Variants in TRPC5 observed in about 807,000 individuals in gnomAD.
TRPC5 encodes the protein short transient receptor potential channel 5.
TRPC5 carries 9 observed loss-of-function variants against 56.5 expected under a neutral mutation model. That is an observed-to-expected ratio of 0.16 (90% confidence interval 0.10 to 0.28). The LOEUF (loss-of-function observed/expected upper bound fraction) is 0.28, where lower values mean the gene tolerates loss of function less well. Ranked by LOEUF, TRPC5 falls within the 10% of genes least tolerant of loss-of-function variation. The pLI is 1.00. For missense variants in TRPC5, 469 were observed against 748.9 expected, an observed-to-expected ratio of 0.63 and a Z score of 4.36; for synonymous variants, 282 against 278.5, an observed-to-expected ratio of 1.01 and a Z score of -0.13.
At chrX:111,966,947 C>A (rs988087680) in intron 1 of TRPC5, among the ~76,000 whole-genome samples, 71 of 111,630 alleles carry the variant, frequency 6.4e-4, no homozygotes, top group Non-Finnish European at 7.9e-4. Flanking sequence ...CTCACCACTC[C>A]TATTCAACAT....
Position 111,905,771 on chromosome X carries a change from T to A in TRPC5, c.900+6520A>T, listed in dbSNP as rs12009998. Among the ~76,000 whole-genome samples the A allele has an allele frequency of 1.8e-3, 198 of 108,889 alleles. 1 individual carries two copies. The highest frequency in any genetic ancestry group is 7.7e-3 in the Admixed American group (79 of 10,272). The allele number at this position is 108,889 out of a possible 115,157, so 94.6% of individuals were successfully genotyped here. ...CTACTAAAAATACAAAAAAATTAGC[T>A]GGGCGTGGTGGCGGGCGCCTGTAGT... On this transcript the variant is annotated intron_variant, in intron 3 of 10. Coordinates refer to ENST00000262839, the MANE Select transcript of TRPC5 (RefSeq NM_012471.3).
At chrX:111,953,354 C>T (rs116234216) in intron 1 of TRPC5, among the ~76,000 whole-genome samples, 2,440 of 112,105 alleles carry the variant, frequency 0.022, 49 homozygotes, top group African/African-American at 0.075. Context: ...AGTTATTGAG[C>T]TCCTACAATG....
At chrX:111,888,693 CAAAAAAA>C (rs753735549) in intron 3 of TRPC5, among the ~76,000 whole-genome samples, 9 of 10,977 alleles carry the variant, frequency 8.2e-4, no homozygotes, top group Admixed American at 6.0e-3. Flanking sequence ...GACTCTATCT[CAAAAAAA>C]AAAAAAAAAA....
intron 1 of TRPC5, among the ~76,000 whole-genome samples, chrX:112,034,849 T>G (rs1929687616): frequency 9.1e-6 from 1 of 109,582 alleles, no homozygotes; most frequent in African/African-American, 3.3e-5. Flanking sequence ...TTCATTAATA[T>G]CTCTTCTCGT....
intron 1 of TRPC5, among the ~76,000 whole-genome samples, chrX:111,970,591 C>T (rs1206789173): frequency 9.0e-6 from 1 of 111,265 alleles, no homozygotes; most frequent in Non-Finnish European, 1.9e-5. Context: ...TAAAATGTTA[C>T]AATAGAACAG....
chrX:112,069,474 C>T (rs1020701170), intron 1 of TRPC5, among the ~76,000 whole-genome samples: 2 of 111,756 alleles, frequency 1.8e-5, no homozygotes, highest in Non-Finnish European at 3.8e-5. Flanking sequence ...GAAATGCCTA[C>T]GGGAGGCCTG....
intron 1 of TRPC5, among the ~76,000 whole-genome samples, chrX:111,990,269 T>G (rs1322938268): frequency 9.1e-6 from 1 of 110,207 alleles, no homozygotes; most frequent in Non-Finnish European, 1.9e-5. Flanking sequence ...AATACAAAAA[T>G]TAGCCAGGCA....
intron 7 of TRPC5, among the ~76,000 whole-genome samples, chrX:111,818,604 CTTT>C (rs755881697): frequency 5.3e-5 from 5 of 93,621 alleles, no homozygotes; most frequent in Middle Eastern, 4.7e-3. Flanking sequence ...TTCTTTTTCT[CTTT>C]TTTTTTTTTT....
intron 7 of TRPC5, among the ~76,000 whole-genome samples, chrX:111,829,576 C>T (rs1922348721): frequency 8.9e-6 from 1 of 112,138 alleles, no homozygotes; most frequent in African/African-American, 3.2e-5. Context: ...CTGTATGCAG[C>T]CTAGGGACTT....
At chrX:111,961,262 A>G (rs1412564122) in intron 1 of TRPC5, among the ~76,000 whole-genome samples, 1 of 112,705 alleles carries the variant, frequency 8.9e-6, no homozygotes, top group African/African-American at 3.2e-5. Context: ...TCATGAATAC[A>G]TAAAATAAAA....
At chrX:112,016,961 G>A (rs1929142903) in intron 1 of TRPC5, among the ~76,000 whole-genome samples, 1 of 111,990 alleles carries the variant, frequency 8.9e-6, no homozygotes, top group African/African-American at 3.2e-5. Context: ...CACATTTTAA[G>A]TACTTAATAC....
At chrX:111,914,045 A>G (rs1896449382) in intron 2 of TRPC5, among the ~76,000 whole-genome samples, 3 of 110,578 alleles carry the variant, frequency 2.7e-5, no homozygotes, top group Admixed American at 1.9e-4. Flanking sequence ...CTAGACTCAC[A>G]GAAGAGTTTA....
intron 1 of TRPC5, among the ~76,000 whole-genome samples, chrX:111,961,870 G>T (rs370202614): frequency 9.0e-6 from 1 of 111,606 alleles, no homozygotes; most frequent in African/African-American, 3.3e-5. Context: ...ATCAACAGTT[G>T]ACTGGATTTA....
chrX:111,940,157 A>C (rs913146468), intron 2 of TRPC5, among the ~76,000 whole-genome samples: 3 of 111,706 alleles, frequency 2.7e-5, no homozygotes, highest in Non-Finnish European at 5.6e-5. Context: ...TCAAGATAGG[A>C]GCTATCATCC....
intron 2 of TRPC5, among the ~76,000 whole-genome samples, chrX:111,950,203 TA>T (rs1927047009): frequency 9.1e-6 from 1 of 110,158 alleles, no homozygotes; most frequent in African/African-American, 3.3e-5. Context: ...CAGGCACCTG[TA>T]GTCCCAGCTA....
chrX:111,782,806 AACACACACACACACACAC>A (rs1186498788), intron 7 of TRPC5, among the ~76,000 whole-genome samples: 1 of 92,117 alleles, frequency 1.1e-5, no homozygotes, highest in African/African-American at 4.2e-5. Flanking sequence ...CATTATAATC[AACACACACACACACACAC>A]ACACACACAC....
At chrX:111,780,608 A>C (rs1945911934) in intron 9 of TRPC5, among the ~76,000 whole-genome samples, 1 of 111,223 alleles carries the variant, frequency 9.0e-6, no homozygotes. Context: ...AGATACAAAA[A>C]GTCAGCCCTC....
chrX:111,828,179 A>C (rs1370887704), intron 7 of TRPC5, among the ~76,000 whole-genome samples: 2 of 111,999 alleles, frequency 1.8e-5, no homozygotes, highest in Non-Finnish European at 1.9e-5. Flanking sequence ...ATGCACATCA[A>C]ATCTTCCTTG....
chrX:111,886,049 A>G (rs769722225), intron 3 of TRPC5, among the ~76,000 whole-genome samples: 1 of 111,956 alleles, frequency 8.9e-6, no homozygotes, highest in Admixed American at 9.4e-5. Context: ...GGAGGCCAAG[A>G]CGGGTGGATC....
Sources: allele counts gnomAD v4.1 joint callset (sites outside exome capture counted in the v4.1 genomes callset), GRCh38; gene constraint gnomAD v4.1.1; transcripts MANE v1.5; gene names NCBI Gene and HGNC (gene_info 2026-07-23, HGNC 2026-07-21).